CFAP58: variants seen among roughly 807,000 people sequenced by gnomAD.
CFAP58 encodes the protein cilia and flagella associated protein 58, also known as cilia- and flagella-associated protein 58.
In CFAP58, 88 loss-of-function variants were observed where a neutral mutation model predicts 119.5. That is an observed-to-expected ratio of 0.74 (90% CI 0.62 to 0.88). The LOEUF (loss-of-function observed/expected upper bound fraction) is 0.88, where lower values mean the gene tolerates loss of function less well. CFAP58 is among the 40% of genes least tolerant of loss of function. The pLI, the probability that CFAP58 is intolerant of heterozygous loss-of-function variation, is 0.00. For synonymous variants in CFAP58, 365 were observed against 366.3 expected (o/e 1.00, Z 0.04); for missense variants, 990 against 1,021.2 (o/e 0.97, Z 0.42).
intron 2 of CFAP58, 58 bp downstream of exon 2, chr10:104,358,680 T>C: frequency 1.3e-6 from 2 of 1,514,410 alleles, no homozygotes; most frequent in Non-Finnish European, 1.8e-6. Flanking sequence ...TCTCTCATTA[T>C]ATTGGCACCT....
intron 1 of CFAP58, 77 bp from the exon 2 acceptor site, chr10:104,358,264 G>T: frequency 2.1e-6 from 3 of 1,435,634 alleles, no homozygotes; most frequent in Non-Finnish European, 2.8e-6. Context: ...TTCATTCAGA[G>T]GTAATAGCAG....
At chr10:104,355,365 A>G (rs1209526312) in intron 1 of CFAP58, among the ~76,000 whole-genome samples, 3 of 152,308 alleles carry the variant, frequency 2.0e-5, no homozygotes, top group African/African-American at 7.2e-5. Context: ...TATTTCTGTG[A>G]GGAACCCTGC....
intron 15 of CFAP58, among the ~76,000 whole-genome samples, chr10:104,417,481 C>G (rs2012572465): frequency 6.6e-6 from 1 of 152,160 alleles, no homozygotes; most frequent in South Asian, 2.1e-4. Context: ...AGTAATCAGA[C>G]AACTGAATGC....
At chr10:104,349,842 G>C (rs947963412), upstream of CFAP58, among the ~76,000 whole-genome samples, 2 of 152,214 alleles carry the variant, frequency 1.3e-5, no homozygotes, top group Non-Finnish European at 2.9e-5. Context: ...TTGGATGGGA[G>C]CCAGCCAGCT....
intron 15 of CFAP58, among the ~76,000 whole-genome samples, chr10:104,426,423 C>T (rs2012746467): frequency 6.6e-6 from 1 of 151,928 alleles, no homozygotes; most frequent in East Asian, 1.9e-4. Flanking sequence ...CCTCCCACAC[C>T]TCCTTCCCCC....
At chr10:104,357,840 C>CATAT (rs1297406367) in intron 1 of CFAP58, among the ~76,000 whole-genome samples, 1 of 71,122 alleles carries the variant, frequency 1.4e-5, no homozygotes, top group Non-Finnish European at 3.1e-5. Flanking sequence ...TATATGTACA[C>CATAT]ATATGTACAC....
intron 13 of CFAP58, among the ~76,000 whole-genome samples, chr10:104,403,192 G>T (rs2012296518): frequency 6.6e-6 from 1 of 152,128 alleles, no homozygotes; most frequent in Non-Finnish European, 1.5e-5. Context: ...TCTCATTGTA[G>T]TGATGTAGTG....
intron 15 of CFAP58, among the ~76,000 whole-genome samples, 169 bp downstream of exon 15, chr10:104,406,962 T>C (rs1382564551): frequency 6.6e-6 from 1 of 152,198 alleles, no homozygotes; most frequent in Non-Finnish European, 1.5e-5. Flanking sequence ...AATTGGTCTT[T>C]TACGTTGCGA....
At chr10:104,431,295 C>T (rs527656871) in intron 15 of CFAP58, among the ~76,000 whole-genome samples, 1 of 152,228 alleles carries the variant, frequency 6.6e-6, no homozygotes, top group African/African-American at 2.4e-5. Flanking sequence ...GTGGAAGAGA[C>T]AAGCATGTAA....
chr10:104,402,238 G>T (rs1031447986), intron 13 of CFAP58, among the ~76,000 whole-genome samples: 1 of 152,158 alleles, frequency 6.6e-6, no homozygotes, highest in Non-Finnish European at 1.5e-5. Context: ...CTAGTATAGA[G>T]TCTAGTACAA....
intron 2 of CFAP58, among the ~76,000 whole-genome samples, chr10:104,359,365 G>A (rs1022722191): frequency 1.3e-5 from 2 of 152,088 alleles, no homozygotes; most frequent in African/African-American, 2.4e-5. Context: ...ACTAAATAAC[G>A]ATTATCAATT....
At chr10:104,342,317 C>A in the CFAP58 span, among the ~76,000 whole-genome samples, 5 of 152,048 alleles carry the variant, frequency 3.3e-5, 1 homozygote, top group Admixed American at 2.6e-4. Context: ...GTGAAAAAAA[C>A]CCCTAATCTC....
chr10:104,403,372 T>C (rs761590802), intron 13 of CFAP58, among the ~76,000 whole-genome samples: 23 of 152,208 alleles, frequency 1.5e-4, no homozygotes, highest in Non-Finnish European at 2.5e-4. Flanking sequence ...CTTTCCTTTA[T>C]AAATTACCCA....
chr10:104,413,370 A>C (rs2133058040), intron 15 of CFAP58, among the ~76,000 whole-genome samples: 1 of 152,230 alleles, frequency 6.6e-6, no homozygotes, highest in Admixed American at 6.5e-5. Flanking sequence ...CTTGCTTGGG[A>C]TTAACGTGAA....
the CFAP58 span, among the ~76,000 whole-genome samples, chr10:104,342,863 A>AAAAG: frequency 8.0e-5 from 12 of 150,796 alleles, no homozygotes; most frequent in Non-Finnish European, 5.9e-5. Context: ...AAAAAAAAAA[A>AAAAG]AAAAAGTGAC....
intron 17 of CFAP58, among the ~76,000 whole-genome samples, chr10:104,450,618 T>A (rs1218120478): frequency 6.6e-6 from 1 of 152,198 alleles, no homozygotes; most frequent in Non-Finnish European, 1.5e-5. Context: ...GTAAAGCTGT[T>A]CTTTCTAATG....
At chr10:104,410,555 T>C (rs547694397) in intron 15 of CFAP58, among the ~76,000 whole-genome samples, 1 of 152,358 alleles carries the variant, frequency 6.6e-6, no homozygotes, top group East Asian at 1.9e-4. Context: ...TGGTCCTTTG[T>C]GTCCCCAGCT....
intron 16 of CFAP58, among the ~76,000 whole-genome samples, chr10:104,448,098 T>C: frequency 6.6e-6 from 1 of 152,006 alleles, no homozygotes; most frequent in Non-Finnish European, 1.5e-5. Context: ...GCGGACAGGG[T>C]TTGGATGAAT....
chr10:104,430,453 T>A (rs1170445940), intron 15 of CFAP58, among the ~76,000 whole-genome samples: 1 of 152,260 alleles, frequency 6.6e-6, no homozygotes, highest in Non-Finnish European at 1.5e-5. Flanking sequence ...TCACTTACAG[T>A]CTTCTTTTGG....
Sources: gnomAD v4.1 joint callset for allele counts (sites outside exome capture counted in the v4.1 genomes callset) on GRCh38, gnomAD v4.1.1 for gene constraint, MANE v1.5 for transcripts, NCBI Gene and HGNC (gene_info 2026-07-23, HGNC 2026-07-21) for gene names.